The following BNC1 variants were observed in gnomAD, a reference collection of about 807,000 sequenced individuals.
The protein encoded by BNC1 is basonuclin zinc finger protein 1.
Under a neutral mutation model 66.5 loss-of-function variants are expected in BNC1, and 8 were observed. The observed-to-expected ratio is 0.12, with a 90% CI of 0.07 to 0.22. The LOEUF is 0.22. Among genes scored for constraint, BNC1 ranks in the 10% least tolerant of loss-of-function variants. The probability of loss-of-function intolerance (pLI) is 1.00; values close to 1 mark genes in which losing one functional copy is unlikely to be tolerated. For missense variants in BNC1, 1,069 were observed against 1,241.3 expected, an observed-to-expected ratio of 0.86 and a Z score of 2.09; for synonymous variants, 454 against 452.6, an observed-to-expected ratio of 1.00 and a Z score of -0.04.
At chr15:83,268,678 C>A (rs2038241214) in intron 1 of BNC1, among the ~76,000 whole-genome samples, 1 of 152,116 alleles carries the variant, frequency 6.6e-6, no homozygotes, top group Non-Finnish European at 1.5e-5. Context: ...TTTCCCCCCA[C>A]CCACAGATAT....
intron 1 of BNC1, among the ~76,000 whole-genome samples, chr15:83,279,485 C>T (rs1239382916): frequency 6.6e-6 from 1 of 152,188 alleles, no homozygotes; most frequent in African/African-American, 2.4e-5. Flanking sequence ...AGGAAGAAGG[C>T]ATGCTCTCAT....
chr15:83,264,017 G>A lies in BNC1; in HGVS notation c.1234C>T (p.Arg412Trp), dbSNP rs778484158. 8 of 1,614,074 alleles carry A rather than the reference G, an allele frequency of 5.0e-6. No individual in the cohort carries two copies. The highest frequency in any genetic ancestry group is 6.8e-6 in the Non-Finnish European group (8 of 1,180,048). The change falls in exon 4 of 5, where the codon CGG becomes TGG. Residue 412 changes from arginine to tryptophan, a missense_variant. Transcript: ENST00000345382. ...TTTCTGTTCATTGGCATGTGCAGCC[G>A]AGGGTTGGGGTTGGCGCTATGGCGA... The part of the protein sequence containing the change: ...RNRHSANPNP[R>W]LHMPMNRNNR...
chr15:83,280,534 GT>G (rs751891891), intron 1 of BNC1, among the ~76,000 whole-genome samples: 2 of 152,152 alleles, frequency 1.3e-5, no homozygotes, highest in African/African-American at 2.4e-5. Context: ...TGAGAACTAG[GT>G]TTTTGAAACT....
At position 83,258,723 on chromosome 15, in the gene BNC1, C is replaced by T. The variant is rs552740154; in HGVS notation, c.2301-597G>A. Among the ~76,000 whole-genome samples the T allele has an allele frequency of 4.3e-4, 66 of 152,260 alleles. 1 individual carries two copies. The highest frequency in any genetic ancestry group is 1.5e-3 in the African/African-American group (61 of 41,560). On this transcript the variant is annotated intron_variant, in intron 4 of 4. Coordinates refer to ENST00000345382, the MANE Select transcript of BNC1 (RefSeq NM_001717.4). ...TTTCAATGAAATCAGGAAACATTACCTTCTGGGGCTGCACTGTCCAATGAT... is the reference window on the plus strand; with the variant it reads ...TTTCAATGAAATCAGGAAACATTACTTTCTGGGGCTGCACTGTCCAATGAT...
At chr15:83,284,414 G>A in intron 1 of BNC1, 116 bp downstream of exon 1, 1 of 617,366 alleles carries the variant, frequency 1.6e-6, no homozygotes, top group Non-Finnish European at 2.1e-6. Context: ...CAGGTAGCCA[G>A]CTGGCCCTCG....
In BNC1 at chr15:83,257,385, A is replaced by T; in HGVS notation, c.*57T>A. 1 of 1,496,928 alleles carries T rather than the reference A, an allele frequency of 6.7e-7. No individual in the cohort carries two copies. The highest frequency in any genetic ancestry group is 2.3e-5 in the East Asian group (1 of 44,168). 92.7% of individuals were successfully genotyped at this position (1,496,928 alleles called of 1,614,324 possible). A position where few individuals can be genotyped will look rare whatever the true frequency, so the allele number is the denominator to read the frequency against. On this transcript the variant is annotated 3_prime_UTR_variant, in exon 5 of 5. Transcript: ENST00000345382. ...TGAAACAGAAACATTTCTATGGACTACTTTATTCCTGAATTATGAAAAAAG... is the reference window on the plus strand; with the variant it reads ...TGAAACAGAAACATTTCTATGGACTTCTTTATTCCTGAATTATGAAAAAAG...
chr15:83,278,329 A>G (rs2038346888), intron 1 of BNC1, among the ~76,000 whole-genome samples: 1 of 152,262 alleles, frequency 6.6e-6, no homozygotes, highest in Non-Finnish European at 1.5e-5. Context: ...TGGAGATACA[A>G]AGATGAGTAA....
rs898469675 is a variant in BNC1 at position 83,255,915 on chromosome 15, A to AT, written c.*1526dup. On this transcript the variant is annotated 3_prime_UTR_variant, in exon 5 of 5. Coordinates refer to ENST00000345382, the MANE Select transcript of BNC1 (RefSeq NM_001717.4). ...TTTTTAAACAAAAGGTGTGCCATAT[A>AT]TTTTTATTAAATCATAGAAAACATT... The AT allele has an allele frequency of 1.3e-5, 2 of 152,792 alleles. No homozygotes were observed. The highest frequency in any genetic ancestry group is 6.5e-5 in the Admixed American group (1 of 15,308). 9.5% of individuals were successfully genotyped at this position (152,792 alleles called of 1,614,324 possible).
intron 1 of BNC1, among the ~76,000 whole-genome samples, chr15:83,275,248 C>G (rs1015061896): frequency 6.6e-6 from 1 of 152,160 alleles, no homozygotes; most frequent in Non-Finnish European, 1.5e-5. Context: ...GCCTATAATC[C>G]CAGCACTTTG....
Position 83,258,135 on chromosome 15 carries a change from G to T in BNC1, c.2301-9C>A, listed in dbSNP as rs2038103201. The T allele has an allele frequency of 1.9e-6, 3 of 1,582,274 alleles. No individual in the cohort carries two copies. The highest frequency in any genetic ancestry group is 2.6e-6 in the Non-Finnish European group (3 of 1,158,056). On this transcript the variant is annotated splice_polypyrimidine_tract_variant and intron_variant, in intron 4 of 4. Coordinates refer to ENST00000345382, the MANE Select transcript of BNC1 (RefSeq NM_001717.4). ...TTAGGTTTGAGCTGTGTCTACAAGA[G>T]TGAAAAGATGGTTAGTAATGGGTTG... is the stretch of plus-strand genomic sequence containing the variant.
chr15:83,266,809 G>C lies in BNC1; in HGVS notation c.435+27C>G, dbSNP rs760989650. 1.8e-4 allele frequency: 293 copies of C among 1,600,048 alleles called. No homozygotes were observed. The Admixed American group carries it at 4.9e-3, about 26-fold the overall frequency. On this transcript the variant is annotated intron_variant, in intron 3 of 4. Coordinates refer to ENST00000345382, the MANE Select transcript of BNC1 (RefSeq NM_001717.4). ...GGCACAAATTTCAGAAAGCACCCTA[G>C]GAGGACAATGTTCATGTTTACTGTA...
At position 83,263,897 on chromosome 15, in the gene BNC1, G is replaced by A; in HGVS notation, c.1354C>T (p.Pro452Ser). 6.2e-7 allele frequency: 1 copy of A among 1,614,210 alleles called. No individual in the cohort carries two copies. The change falls in exon 4 of 5, where the codon CCT (proline) becomes TCT (serine). Residue 452 changes from proline to serine, a missense_variant. Transcript: ENST00000345382. ...CCTGAACCAGGGTAGCTGGGAGGAG[G>A]CCTACAGTCTGGGGACGTCACTGTG... is the stretch of plus-strand genomic sequence containing the variant. ...GFTVTSPDCR[P>S]PPSYPGSGED...
chr15:83,277,951 T>C (rs2038343140), intron 1 of BNC1, among the ~76,000 whole-genome samples: 1 of 152,158 alleles, frequency 6.6e-6, no homozygotes, highest in African/African-American at 2.4e-5. Flanking sequence ...CCTTCCCACC[T>C]CTCACTTTTC....
intron 1 of BNC1, 47 bp from the exon 2 acceptor site, chr15:83,268,279 T>C: frequency 2.7e-6 from 4 of 1,484,216 alleles, no homozygotes; most frequent in Non-Finnish European, 3.8e-6. Context: ...AAGTGATGTG[T>C]GAAACATTCA....
intron 4 of BNC1, among the ~76,000 whole-genome samples, chr15:83,261,689 T>C (rs1366686308): frequency 6.6e-6 from 1 of 152,196 alleles, no homozygotes; most frequent in Non-Finnish European, 1.5e-5. Flanking sequence ...CCCACGGTGA[T>C]GAGATATGCT....
chr15:83,264,882 T>C, intron 3 of BNC1, 67 bp from the exon 4 acceptor site: 10 of 1,482,634 alleles, frequency 6.7e-6, no homozygotes, highest in Non-Finnish European at 8.2e-6. Context: ...TCTAAAAATG[T>C]AGTCCACTAG....
At chr15:83,266,674 C>A (rs900445882) in intron 3 of BNC1, among the ~76,000 whole-genome samples, 162 bp downstream of exon 3, 20 of 151,918 alleles carry the variant, frequency 1.3e-4, no homozygotes, top group African/African-American at 4.6e-4. Context: ...TTGGACTCCC[C>A]CCAAGAACAT....
intron 4 of BNC1, among the ~76,000 whole-genome samples, chr15:83,260,015 G>A (rs1403251799): frequency 6.6e-6 from 1 of 152,234 alleles, no homozygotes; most frequent in East Asian, 1.9e-4. Context: ...ATTTTGATTA[G>A]TTGAGACCAG....
At chr15:83,277,061 A>G (rs566932888) in intron 1 of BNC1, among the ~76,000 whole-genome samples, 1 of 152,312 alleles carries the variant, frequency 6.6e-6, no homozygotes, top group African/African-American at 2.4e-5. Flanking sequence ...ACAGCCACCA[A>G]GTTTACAATA....
Sources: allele counts gnomAD v4.1 joint callset (sites outside exome capture counted in the v4.1 genomes callset), GRCh38; gene constraint gnomAD v4.1.1; transcripts MANE v1.5; gene names NCBI Gene and HGNC (gene_info 2026-07-23, HGNC 2026-07-21).